NHSL2: variants seen among roughly 807,000 people sequenced by gnomAD.
The protein encoded by NHSL2 is NHS like 2.
In NHSL2, 27 loss-of-function variants were observed where a neutral mutation model predicts 53.4. That is an observed-to-expected ratio of 0.51 (90% CI 0.37 to 0.70). The LOEUF is 0.70. NHSL2 is among the 30% of genes least tolerant of loss of function. NHSL2 has a pLI of 0.00. For missense variants in NHSL2, 892 were observed against 980.1 expected (o/e 0.91, Z 1.20); for synonymous variants, 408 against 404.1 (o/e 1.01, Z -0.12).
intron 1 of NHSL2, among the ~76,000 whole-genome samples, chrX:71,963,209 TG>T (rs372334718): frequency 5.8e-4 from 64 of 110,950 alleles, no homozygotes; most frequent in African/African-American, 2.1e-3. Flanking sequence ...TTATTGAAAG[TG>T]GTAAATTAAT....
chrX:72,134,146 T>C lies in NHSL2; in HGVS notation c.492T>C (p.Ser164=), dbSNP rs1212969474. Reference sequence around the variant, plus strand: ...GACTTGTGGGGCAGACCTTCCGCTCTTCTGATGAGGCCACTAAGCCCACCC... The same window carrying C: ...GACTTGTGGGGCAGACCTTCCGCTCCTCTGATGAGGCCACTAAGCCCACCC... ...EARLVGQTFR[S]SDEATKPTPN... The change falls in exon 3 of 8, where the codon TCT becomes TCC. Residue 164 remains serine (S), a synonymous_variant. Coordinates refer to ENST00000633930, the MANE Select transcript of NHSL2 (RefSeq NM_001013627.3). 8.6e-7 allele frequency: 1 copy of C among 1,166,544 alleles called. No individual in the cohort carries two copies. Among genetic ancestry groups the C allele is most frequent in the Non-Finnish European group, 1.1e-6 (1 of 871,424 alleles).
At chrX:71,979,942 G>T (rs1269080853) in intron 1 of NHSL2, among the ~76,000 whole-genome samples, 4 of 111,717 alleles carry the variant, frequency 3.6e-5, no homozygotes, top group Non-Finnish European at 7.5e-5. Context: ...TTTTGTATAA[G>T]GTGTAAGGAA....
rs1391821511 is a variant in NHSL2 at position 72,146,305 on chromosome X, T to TA, written c.*2733dup. On this transcript the variant is annotated 3_prime_UTR_variant, in exon 8 of 8. Transcript: ENST00000633930. ...GAACACAAAGCATCTTCCCCACTCCTAACACTCAACCTCTCTCCTACCTTT... is the reference window on the plus strand; with the variant it reads ...GAACACAAAGCATCTTCCCCACTCCTAAACACTCAACCTCTCTCCTACCTTT... 1.8e-5 allele frequency: 2 copies of TA among 111,556 alleles called. No homozygotes were observed. The highest frequency in any genetic ancestry group is 6.5e-5 in the African/African-American group (2 of 30,616). The allele number at this position is 111,556 out of a possible 1,213,427, so 9.2% of individuals were successfully genotyped here. A position where few individuals can be genotyped will look rare whatever the true frequency, so the allele number is the denominator to read the frequency against.
At chrX:72,130,615 C>T (rs1172879624) in intron 1 of NHSL2, 29 of 1,210,031 alleles carry the variant, frequency 2.4e-5, no homozygotes, top group Non-Finnish European at 3.1e-5. Context: ...GCGCACTTTT[C>T]TTTCTATCTC....
chrX:72,043,393 T>A (rs1327162762), intron 1 of NHSL2, among the ~76,000 whole-genome samples: 1 of 111,421 alleles, frequency 9.0e-6, no homozygotes. Context: ...ATGTCCTGTG[T>A]TGCCAGGTAC....
chrX:71,967,707 G>A (rs1274218398), intron 1 of NHSL2, among the ~76,000 whole-genome samples: 1 of 111,486 alleles, frequency 9.0e-6, no homozygotes, highest in Non-Finnish European at 1.9e-5. Context: ...CCATAAAAAA[G>A]TATTAACTGT....
intron 1 of NHSL2, among the ~76,000 whole-genome samples, chrX:72,083,677 GATTT>G: frequency 9.0e-6 from 1 of 111,397 alleles, no homozygotes; most frequent in Middle Eastern, 4.6e-3. Flanking sequence ...TTTTAATATA[GATTT>G]ATTTGTTTAA....
At chrX:72,017,732 CCTAA>C (rs964527671) in intron 1 of NHSL2, among the ~76,000 whole-genome samples, 10 of 112,457 alleles carry the variant, frequency 8.9e-5, no homozygotes, top group African/African-American at 2.6e-4. Flanking sequence ...ACTCTATGGA[CCTAA>C]CTGTCTAACA....
intron 1 of NHSL2, among the ~76,000 whole-genome samples, chrX:71,934,453 G>A (rs982042502): frequency 8.9e-5 from 10 of 112,250 alleles, no homozygotes; most frequent in Non-Finnish European, 1.9e-4. Context: ...ATTCTCACTC[G>A]CTGGAACTGT....
intron 1 of NHSL2, among the ~76,000 whole-genome samples, chrX:71,997,395 C>G (rs1413009469): frequency 8.9e-6 from 1 of 112,478 alleles, no homozygotes; most frequent in East Asian, 2.8e-4. Flanking sequence ...TCTCCTGGCC[C>G]AAGATGTGCC....
At chrX:72,104,166 C>G (rs1185627726) in intron 1 of NHSL2, among the ~76,000 whole-genome samples, 1 of 111,458 alleles carries the variant, frequency 9.0e-6, no homozygotes, top group Non-Finnish European at 1.9e-5. Context: ...GTTTTTATAT[C>G]TCATTACTGC....
intron 1 of NHSL2, among the ~76,000 whole-genome samples, chrX:72,085,887 C>A (rs1371105506): frequency 9.1e-6 from 1 of 110,369 alleles, no homozygotes; most frequent in Non-Finnish European, 1.9e-5. Flanking sequence ...TCCTCAAACT[C>A]CAGGCCAAGT....
At chrX:71,979,008 G>A (rs1490803043) in intron 1 of NHSL2, among the ~76,000 whole-genome samples, 6 of 104,051 alleles carry the variant, frequency 5.8e-5, no homozygotes, top group African/African-American at 2.1e-4. Context: ...GAGAACATGC[G>A]GTGTTTGGTT....
chrX:72,014,169 T>C (rs1489130615), intron 1 of NHSL2, among the ~76,000 whole-genome samples: 1 of 112,279 alleles, frequency 8.9e-6, no homozygotes, highest in Non-Finnish European at 1.9e-5. Context: ...TTCATTTCCT[T>C]CCTGATATGA....
At chrX:72,131,748 C>T in intron 1 of NHSL2, 1 of 279,077 alleles carries the variant, frequency 3.6e-6, no homozygotes, top group Non-Finnish European at 6.1e-6. Context: ...GCCCAGGGCG[C>T]GTTACCTCGT....
chrX:71,955,898 G>A (rs1413338470), intron 1 of NHSL2, among the ~76,000 whole-genome samples: 14 of 110,272 alleles, frequency 1.3e-4, no homozygotes, highest in Non-Finnish European at 3.8e-5. Flanking sequence ...TCCCTGGCTC[G>A]CCCTGGAGTA....
intron 1 of NHSL2, among the ~76,000 whole-genome samples, chrX:72,002,273 G>C (rs750371199): frequency 1.2e-4 from 13 of 111,882 alleles, no homozygotes; most frequent in Non-Finnish European, 2.3e-4. Flanking sequence ...GCTCCTAAAG[G>C]CATTTGAGTT....
At chrX:71,990,942 A>G (rs2042024373) in intron 1 of NHSL2, among the ~76,000 whole-genome samples, 1 of 112,638 alleles carries the variant, frequency 8.9e-6, no homozygotes, top group South Asian at 3.7e-4. Flanking sequence ...CTGTGACAGG[A>G]CAGGAGAGTG....
chrX:72,114,853 G>A (rs2042123011), intron 1 of NHSL2, among the ~76,000 whole-genome samples: 1 of 112,145 alleles, frequency 8.9e-6, no homozygotes, highest in South Asian at 3.7e-4. Flanking sequence ...AAGCCAATAG[G>A]CAGATATGAG....
Sources: allele counts gnomAD v4.1 joint callset (sites outside exome capture counted in the v4.1 genomes callset), GRCh38; gene constraint gnomAD v4.1.1; transcripts MANE v1.5; gene names NCBI Gene and HGNC (gene_info 2026-07-23, HGNC 2026-07-21).